The following KCNMA1 variants were observed in gnomAD, a reference collection of about 807,000 sequenced individuals.
The protein encoded by KCNMA1 is potassium calcium-activated channel subfamily M alpha 1.
A neutral mutation model predicts 140.0 loss-of-function variants in KCNMA1; 29 were observed. The ratio of observed to expected loss-of-function variants is 0.21; its 90% CI spans 0.15 to 0.28. KCNMA1 has a LOEUF of 0.28. KCNMA1 is among the 10% of genes least tolerant of loss of function. The pLI is 1.00. For missense variants in KCNMA1, 880 were observed against 1,602.2 expected, an observed-to-expected ratio of 0.55 and a Z score of 7.70; for synonymous variants, 612 against 611.9, an observed-to-expected ratio of 1.00 and a Z score of 0.00.
chr10:77,307,848 C>T (rs1297675545), intron 2 of KCNMA1, among the ~76,000 whole-genome samples: 1 of 152,192 alleles, frequency 6.6e-6, no homozygotes, highest in Non-Finnish European at 1.5e-5. Context: ...TGCACCCGGC[C>T]TAAACACATT....
At chr10:77,012,742 A>T (rs41274574) in intron 17 of KCNMA1, among the ~76,000 whole-genome samples, 4,146 of 152,296 alleles carry the variant, frequency 0.027, 82 homozygotes, top group Non-Finnish European at 0.04. Flanking sequence ...GACCACTGGA[A>T]GGGGGTGAGT....
intron 1 of KCNMA1, among the ~76,000 whole-genome samples, chr10:77,579,893 T>C (rs549314643): frequency 6.6e-6 from 1 of 152,198 alleles, no homozygotes; most frequent in Non-Finnish European, 1.5e-5. Context: ...CGGATGTTTC[T>C]TCCATGAACA....
chr10:77,002,048 G>A (rs1391693486), intron 18 of KCNMA1, among the ~76,000 whole-genome samples: 9 of 152,154 alleles, frequency 5.9e-5, no homozygotes, highest in Non-Finnish European at 1.5e-5. Context: ...TAATATGTAG[G>A]CTTTCTAATT....
intron 1 of KCNMA1, among the ~76,000 whole-genome samples, chr10:77,610,477 C>G (rs912391563): frequency 6.6e-6 from 1 of 152,064 alleles, no homozygotes; most frequent in Admixed American, 6.5e-5. Flanking sequence ...GGTGGAGGCT[C>G]TCTCTCTCTC....
At chr10:77,299,623 G>A (rs1315882422) in intron 2 of KCNMA1, among the ~76,000 whole-genome samples, 2 of 152,160 alleles carry the variant, frequency 1.3e-5, no homozygotes, top group Non-Finnish European at 2.9e-5. Context: ...AGCTCTAAGA[G>A]GTTCAGCTTG....
chr10:77,454,684 A>G (rs750156318), intron 1 of KCNMA1, among the ~76,000 whole-genome samples: 1 of 152,030 alleles, frequency 6.6e-6, no homozygotes, highest in Non-Finnish European at 1.5e-5. Context: ...ATGCCCTCAC[A>G]TTTTCCTTCT....
intron 1 of KCNMA1, among the ~76,000 whole-genome samples, chr10:77,479,765 C>T (rs896462294): frequency 6.6e-6 from 1 of 152,224 alleles, no homozygotes; most frequent in African/African-American, 2.4e-5. Flanking sequence ...CTTTGCAGCA[C>T]TAAGAAGATG....
At chr10:77,426,455 T>G (rs1049621918) in intron 1 of KCNMA1, among the ~76,000 whole-genome samples, 1 of 152,168 alleles carries the variant, frequency 6.6e-6, no homozygotes. Context: ...AAAATAGGCA[T>G]GAGGGGTTAG....
chr10:77,015,969 T>C (rs142475213), intron 17 of KCNMA1, among the ~76,000 whole-genome samples: 3 of 152,286 alleles, frequency 2.0e-5, no homozygotes, highest in Non-Finnish European at 4.4e-5. Flanking sequence ...GCAGGAAGAA[T>C]GACCTTTTCA....
At chr10:77,068,732 G>GTGTA (rs1478057031) in intron 14 of KCNMA1, among the ~76,000 whole-genome samples, 4 of 145,902 alleles carry the variant, frequency 2.7e-5, no homozygotes, top group African/African-American at 1.0e-4. Flanking sequence ...GTGTGTGTGT[G>GTGTA]TATAAAATGA....
chr10:77,020,541 A>C (rs1254445505), intron 16 of KCNMA1: 2 of 152,202 alleles, frequency 1.3e-5, no homozygotes, highest in Admixed American at 6.5e-5. Context: ...ATTCCTCCCA[A>C]ATCAGACAGC....
In KCNMA1 at chr10:77,062,427, A is replaced by G. The variant is rs375461327; in HGVS notation, c.1749+10670T>C. On this transcript the variant is annotated intron_variant, in intron 14 of 27. Transcript: ENST00000286628. ...CCGGATCTCACTCCCCTTTACAGAC[A>G]CATTTCACACATGGGAAGTCTATCA... Among the ~76,000 whole-genome samples the G allele has an allele frequency of 6.6e-5, 10 of 152,322 alleles. No individual in the cohort carries two copies. In the East Asian group the frequency reaches 1.9e-3, roughly 29 times the overall value.
chr10:77,141,931 A>G (rs1040703301), intron 5 of KCNMA1, among the ~76,000 whole-genome samples: 6 of 152,238 alleles, frequency 3.9e-5, no homozygotes, highest in African/African-American at 1.4e-4. Context: ...ATTATGTGCC[A>G]AGCGTTTTGC....
In KCNMA1 at chr10:77,343,620, G is replaced by C. The variant is rs144506466; in HGVS notation, c.540+60242C>G. Among the ~76,000 whole-genome samples, 6 of 152,228 alleles carry C rather than the reference G, an allele frequency of 3.9e-5. No homozygotes were observed. The East Asian group carries it at 1.2e-3, about 29-fold the overall frequency. ...GATACAGTGGAGTATAAATAGATAA[G>C]AGTTATATTCTAGCGAGGAGACACA... is the stretch of plus-strand genomic sequence containing the variant. On this transcript the variant is annotated intron_variant, in intron 2 of 27. Transcript: ENST00000286628.
intron 22 of KCNMA1, 100 bp from the exon 23 acceptor site, chr10:76,945,065 CAAATT>C: frequency 1.0e-6 from 1 of 987,306 alleles, no homozygotes; most frequent in Non-Finnish European, 1.6e-6. Flanking sequence ...AAGAGGAAAA[CAAATT>C]AAAGATTGAG....
intron 1 of KCNMA1, among the ~76,000 whole-genome samples, chr10:77,620,578 T>A (rs2091060819): frequency 6.6e-6 from 1 of 152,186 alleles, no homozygotes; most frequent in Non-Finnish European, 1.5e-5. Context: ...TGTCAGGAGC[T>A]GCACAGTGAT....
At chr10:77,354,074 C>T (rs1361318922) in intron 2 of KCNMA1, among the ~76,000 whole-genome samples, 1 of 152,104 alleles carries the variant, frequency 6.6e-6, no homozygotes, top group Non-Finnish European at 1.5e-5. Context: ...GCAACCTCCG[C>T]CTCCTGGGTT....
At chr10:77,196,783 C>T (rs1041412440) in intron 3 of KCNMA1, among the ~76,000 whole-genome samples, 2 of 152,144 alleles carry the variant, frequency 1.3e-5, no homozygotes, top group Non-Finnish European at 2.9e-5. Context: ...AACTGTTATT[C>T]CTACCCTAGG....
chr10:77,513,320 T>A (rs2049108866), intron 1 of KCNMA1, among the ~76,000 whole-genome samples: 1 of 152,186 alleles, frequency 6.6e-6, no homozygotes, highest in Non-Finnish European at 1.5e-5. Context: ...TCGGAGAGGC[T>A]TTTCCCATCC....
Sources: gnomAD v4.1 joint callset for allele counts (sites outside exome capture counted in the v4.1 genomes callset) on GRCh38, gnomAD v4.1.1 for gene constraint, MANE v1.5 for transcripts, NCBI Gene and HGNC (gene_info 2026-07-23, HGNC 2026-07-21) for gene names.